The following ROBO2 variants were observed in gnomAD, a reference collection of about 807,000 sequenced individuals.
ROBO2 encodes roundabout homolog 2.
A neutral mutation model predicts 160.8 loss-of-function variants in ROBO2; 53 were observed. The observed-to-expected ratio is 0.33, with a 90% CI of 0.26 to 0.41. The LOEUF is 0.41. Among genes scored for constraint, ROBO2 ranks in the 10% least tolerant of loss-of-function variants. The pLI is 1.00. For missense variants in ROBO2, 1,577 were observed against 1,722.4 expected, an observed-to-expected ratio of 0.92 and a Z score of 1.49; for synonymous variants, 664 against 611.7, an observed-to-expected ratio of 1.09 and a Z score of -1.26.
chr3:76,454,737 T>C (rs2077663435), intron 2 of ROBO2, among the ~76,000 whole-genome samples: 1 of 152,120 alleles, frequency 6.6e-6, no homozygotes, highest in East Asian at 1.9e-4. Flanking sequence ...TTTTAAACAT[T>C]GAAAAAGCCT....
chr3:77,248,089 G>A (rs1405660441), intron 2 of ROBO2, among the ~76,000 whole-genome samples: 2 of 152,156 alleles, frequency 1.3e-5, no homozygotes, highest in African/African-American at 4.8e-5. Flanking sequence ...TGGGATGGAT[G>A]TTGGAGAGAA....
rs1267497011 is a variant in ROBO2, at chr3:76,777,574, CG to C, written c.110-320439del. ...TTCTTTCTTTTTTTTTTTAACAAAA[CG>C]TTTTTTCTATACCTTTGCCTTTCAG... On this transcript the variant is annotated intron_variant, in intron 2 of 26. Transcript: ENST00000487694. 4.0e-5 allele frequency among the ~76,000 whole-genome samples: 6 copies of C among 150,046 alleles called. No individual in the cohort carries two copies. In the East Asian group the frequency reaches 5.9e-4, roughly 15 times the overall value.
rs189245928 is a variant in ROBO2 at position 76,329,322 on chromosome 3, G to T, written c.109+391720G>T. 2.7e-3 allele frequency among the ~76,000 whole-genome samples: 405 copies of T among 152,296 alleles called. 3 individuals carry two copies. The highest frequency in any genetic ancestry group is 9.3e-3 in the African/African-American group (388 of 41,570). On this transcript the variant is annotated intron_variant, in intron 2 of 26. Coordinates refer to the ROBO2 transcript ENST00000487694. ...CAACCTCCACCTGCTGGGTCAAGCA[G>T]TGTTCATGCCTCAGCCCCCTGAGTA...
intron 2 of ROBO2, among the ~76,000 whole-genome samples, chr3:77,292,507 T>A (rs1031117180): frequency 6.7e-6 from 1 of 149,586 alleles, no homozygotes; most frequent in African/African-American, 2.5e-5. Flanking sequence ...AGACATAAAG[T>A]AAAATTGATG....
At chr3:76,500,376 G>A (rs914489244) in intron 2 of ROBO2, among the ~76,000 whole-genome samples, 2 of 152,166 alleles carry the variant, frequency 1.3e-5, no homozygotes, top group African/African-American at 2.4e-5. Context: ...GCCTCCCAAA[G>A]TGATGGGATT....
chr3:77,479,019 G>T (rs191023508), intron 3 of ROBO2, among the ~76,000 whole-genome samples: 1 of 152,250 alleles, frequency 6.6e-6, no homozygotes, highest in South Asian at 2.1e-4. Flanking sequence ...TCAAAGAAAG[G>T]CTAGATGGTT....
At chr3:76,659,420 A>G (rs935099209) in intron 2 of ROBO2, among the ~76,000 whole-genome samples, 3 of 151,050 alleles carry the variant, frequency 2.0e-5, no homozygotes, top group East Asian at 3.9e-4. Context: ...TACATACTCC[A>G]TTACAGAGCT....
intron 2 of ROBO2, among the ~76,000 whole-genome samples, chr3:76,283,856 C>T (rs1422183574): frequency 6.6e-6 from 1 of 151,908 alleles, no homozygotes; most frequent in Non-Finnish European, 1.5e-5. Context: ...GAAAATTTTT[C>T]ATTTTATTAC....
intron 2 of ROBO2, among the ~76,000 whole-genome samples, chr3:76,971,838 C>T (rs75054698): frequency 0.033 from 4,964 of 152,206 alleles, 255 homozygotes; most frequent in African/African-American, 0.11. Context: ...CTATACTAGA[C>T]CCATTGCTAA....
chr3:77,259,379 C>T (rs1471766257), intron 2 of ROBO2, among the ~76,000 whole-genome samples: 1 of 152,070 alleles, frequency 6.6e-6, no homozygotes, highest in African/African-American at 2.4e-5. Flanking sequence ...TGGAACCATG[C>T]CTGGCCCACA....
At chr3:76,351,403 G>C (rs1418391828) in intron 2 of ROBO2, among the ~76,000 whole-genome samples, 1 of 151,928 alleles carries the variant, frequency 6.6e-6, no homozygotes, top group Non-Finnish European at 1.5e-5. Context: ...GCAAACAGCT[G>C]TCAAACCTAA....
chr3:77,241,361 CA>C (rs764861495), intron 2 of ROBO2, among the ~76,000 whole-genome samples: 3 of 152,166 alleles, frequency 2.0e-5, no homozygotes, highest in Admixed American at 1.3e-4. Flanking sequence ...TGAATGTTCA[CA>C]AATAATCTTA....
At chr3:77,027,097 T>A (rs1206816728) in intron 2 of ROBO2, among the ~76,000 whole-genome samples, 1 of 152,304 alleles carries the variant, frequency 6.6e-6, no homozygotes, top group South Asian at 2.1e-4. Flanking sequence ...TGAGCATCAA[T>A]TCTAATTTAA....
chr3:76,118,102 C>A (rs141779326), intron 2 of ROBO2, among the ~76,000 whole-genome samples: 3 of 151,990 alleles, frequency 2.0e-5, no homozygotes, highest in African/African-American at 4.8e-5. Context: ...ATGTAACAAA[C>A]CTGCACGTTG....
intron 2 of ROBO2, among the ~76,000 whole-genome samples, chr3:76,488,326 C>T (rs768630685): frequency 2.2e-4 from 33 of 152,098 alleles, no homozygotes; most frequent in Non-Finnish European, 3.7e-4. Context: ...AGAACATTGA[C>T]AGAATTTAGT....
intron 2 of ROBO2, among the ~76,000 whole-genome samples, chr3:76,873,254 AT>A (rs2072314666): frequency 6.6e-6 from 1 of 152,188 alleles, no homozygotes; most frequent in African/African-American, 2.4e-5. Context: ...CTTCATAAAT[AT>A]TTTAATTATT....
intron 2 of ROBO2, among the ~76,000 whole-genome samples, chr3:76,125,539 C>T (rs551389793): frequency 5.3e-5 from 8 of 152,240 alleles, no homozygotes; most frequent in South Asian, 2.1e-4. Context: ...AACAGCCATT[C>T]TGACTGGTCT....
intron 2 of ROBO2, among the ~76,000 whole-genome samples, chr3:76,361,932 G>A (rs532039069): frequency 5.9e-5 from 9 of 152,200 alleles, no homozygotes; most frequent in Middle Eastern, 3.4e-3. Context: ...ATTACTCCTT[G>A]TGCATAGATG....
Position 76,334,843 on chromosome 3 carries a change from A to G in ROBO2, c.109+397241A>G, listed in dbSNP as rs141468586. On this transcript the variant is annotated intron_variant, in intron 2 of 26. Transcript: ENST00000487694. ...AGAAAAATTAATGATTTAGTAAAGA[A>G]AGGAGTTACCTGAGGAAGAGGCACA... Among the ~76,000 whole-genome samples the G allele has an allele frequency of 4.2e-3, 635 of 152,270 alleles. 7 individuals carry two copies. Among genetic ancestry groups the G allele is most frequent in the African/African-American group, 0.014 (598 of 41,562 alleles).
Sources: gnomAD v4.1 joint callset for allele counts (sites outside exome capture counted in the v4.1 genomes callset) on GRCh38, gnomAD v4.1.1 for gene constraint, MANE v1.5 for transcripts, NCBI Gene and HGNC (gene_info 2026-07-23, HGNC 2026-07-21) for gene names.